CMTM2: variants seen among roughly 807,000 people sequenced by gnomAD.
CMTM2 encodes the protein CKLF-like MARVEL transmembrane domain-containing protein 2.
In CMTM2, 15 loss-of-function variants were observed where a neutral mutation model predicts 16.8. That is an observed-to-expected ratio of 0.89 (90% confidence interval 0.60 to 1.37). The LOEUF (loss-of-function observed/expected upper bound fraction) is 1.37. CMTM2 is among the 40% of genes most tolerant of loss of function. The pLI, the probability that CMTM2 is intolerant of heterozygous loss-of-function variation, is 0.00. For missense variants in CMTM2, 282 were observed against 318.0 expected (o/e 0.89, Z 0.86); for synonymous variants, 117 against 118.7 (o/e 0.99, Z 0.09).
At chr16:66,580,348 A>C in intron 2 of CMTM2, 164 bp downstream of exon 2, 2 of 702,560 alleles carry the variant, frequency 2.8e-6, no homozygotes, top group Non-Finnish European at 2.4e-6. Flanking sequence ...AGCTGGGTGC[A>C]AGAGGGGTAG....
At position 66,579,552 on chromosome 16, in the gene CMTM2, A is replaced by G. The variant is rs887071370; in HGVS notation, c.-56A>G. ...TAGTAGGCCTGGCCTACCCAGAAAC[A>G]GCAGGAGAGAGAAGAAACAGGCCAG... On this transcript the variant is annotated 5_prime_UTR_variant, in exon 1 of 4. Coordinates refer to ENST00000268595, the MANE Select transcript of CMTM2 (RefSeq NM_144673.3). This position sits in a 1 kb window ranked among gnomAD's most constrained non-coding sequence, Gnocchi z 6.5. The G allele has an allele frequency of 1.2e-6, 2 of 1,602,780 alleles. No individual in the cohort carries two copies. The highest frequency in any genetic ancestry group is 1.7e-6 in the Non-Finnish European group (2 of 1,175,594).
At chr16:66,583,954 A>G (rs1241249698) in intron 2 of CMTM2, among the ~76,000 whole-genome samples, 5 of 152,204 alleles carry the variant, frequency 3.3e-5, no homozygotes, top group African/African-American at 1.2e-4. Context: ...CCCCCACTGT[A>G]CTGTACTTGA....
At chr16:66,587,141 C>T in intron 3 of CMTM2, 43 bp downstream of exon 3, 10 of 1,453,334 alleles carry the variant, frequency 6.9e-6, no homozygotes, top group Non-Finnish European at 8.7e-6. Context: ...TCTGAATTCA[C>T]TTCTTTTGGA....
chr16:66,579,514 A>C lies in CMTM2; in HGVS notation c.-94A>C. 1 of 1,496,526 alleles carries C rather than the reference A, an allele frequency of 6.7e-7. No individual in the cohort carries two copies. The highest frequency in any genetic ancestry group is 9.1e-7 in the Non-Finnish European group (1 of 1,104,508). The allele number at this position is 1,496,526 out of a possible 1,614,324, so 92.7% of individuals were successfully genotyped here. A position where few individuals can be genotyped will look rare whatever the true frequency, so the allele number is the denominator to read the frequency against. Reference sequence around the variant, plus strand: ...GCACGCCCTCTGAGCCGCTCGGTGGACACCAGGCACTCTAGTAGGCCTGGC... The same window carrying C: ...GCACGCCCTCTGAGCCGCTCGGTGGCCACCAGGCACTCTAGTAGGCCTGGC... On this transcript the variant is annotated 5_prime_UTR_variant, in exon 1 of 4. Transcript: ENST00000268595. The surrounding 1 kb of genome is among the most constrained non-coding windows in gnomAD (Gnocchi z 6.5).
intron 3 of CMTM2, among the ~76,000 whole-genome samples, chr16:66,587,447 C>T (rs1049426126): frequency 6.6e-5 from 10 of 152,042 alleles, no homozygotes; most frequent in Non-Finnish European, 1.5e-4. Flanking sequence ...ATCCCAGCAA[C>T]TTGGGAGGCT....
chr16:66,586,435 C>G (rs904908964), intron 2 of CMTM2, among the ~76,000 whole-genome samples: 1 of 152,016 alleles, frequency 6.6e-6, no homozygotes, highest in Non-Finnish European at 1.5e-5. Context: ...TCCAGGAGTT[C>G]GAGACCAGCC....
chr16:66,580,670 A>G (rs2014719404), intron 2 of CMTM2: 1 of 158,734 alleles, frequency 6.3e-6, no homozygotes, highest in African/African-American at 2.4e-5. Flanking sequence ...ATCCCTATAA[A>G]GGATGTTTGG....
Position 66,588,239 on chromosome 16 carries a change from T to C in CMTM2, c.*120T>C. On this transcript the variant is annotated 3_prime_UTR_variant, in exon 4 of 4. Coordinates refer to ENST00000268595, the MANE Select transcript of CMTM2 (RefSeq NM_144673.3). The stretch of plus-strand genomic sequence containing the variant: ...TTCCATTTTCATTACCACCTTTGCT[T>C]GGAAAAGAATGGATTAATGGATTCT... 1 of 867,290 alleles carries C rather than the reference T, an allele frequency of 1.2e-6. No homozygotes were observed. The allele number at this position is 867,290 out of a possible 1,614,324, so 53.7% of individuals were successfully genotyped here.
intron 2 of CMTM2, among the ~76,000 whole-genome samples, chr16:66,584,370 G>A (rs1052066849): frequency 6.6e-6 from 1 of 151,996 alleles, no homozygotes; most frequent in African/African-American, 2.4e-5. Flanking sequence ...TCTCTCTCCC[G>A]CTTGCTCTCT....
chr16:66,587,978 C>T lies in CMTM2; in HGVS notation c.606C>T (p.His202=), dbSNP rs1435012120. ...AFIDVCLQRN[H]FRGKKAKKHM... ...TCGATGTGTGTCTTCAAAGAAACCA[C>T]TTCAGAGGCAAGAAGGCCAAAAAGC... Residue 202 remains histidine, a synonymous_variant, in exon 4 of 4, where the codon CAC becomes CAT. Coordinates refer to ENST00000268595, the MANE Select transcript of CMTM2 (RefSeq NM_144673.3). 1 of 1,614,182 alleles carries T rather than the reference C, an allele frequency of 6.2e-7. No homozygotes were observed. Among genetic ancestry groups the T allele is most frequent in the Non-Finnish European group, 8.5e-7 (1 of 1,180,032 alleles).
At chr16:66,585,237 C>T (rs1323597861) in intron 2 of CMTM2, among the ~76,000 whole-genome samples, 3 of 152,244 alleles carry the variant, frequency 2.0e-5, no homozygotes, top group East Asian at 3.9e-4. Context: ...TGAGCCACTG[C>T]GCCCAGCTTA....
chr16:66,579,711 C>A lies in CMTM2; in HGVS notation c.104C>A (p.Ser35Ter), dbSNP rs768840389. The A allele has an allele frequency of 1.2e-6, 2 of 1,613,320 alleles. No individual in the cohort carries two copies. The highest frequency in any genetic ancestry group is 1.7e-6 in the Non-Finnish European group (2 of 1,179,648). ...EEDKKDGKEPSDKPQKAVQDH... is the reference protein window; with the variant it reads ...EEDKKDGKEP ...GACAAGAAGGACGGTAAGGAGCCATCGGACAAACCTCAAAAGGCGGTGCAG... is the reference window on the plus strand; with the variant it reads ...GACAAGAAGGACGGTAAGGAGCCATAGGACAAACCTCAAAAGGCGGTGCAG... Residue 35 changes from serine (S) to a stop codon, truncating the protein, a stop_gained, in exon 1 of 4, where the codon TCG (serine) becomes TAG (stop). Transcript: ENST00000268595. LOFTEE classifies it high-confidence loss of function. The surrounding 1 kb of genome is among the most constrained non-coding windows in gnomAD (Gnocchi z 6.5).
Position 66,579,694 on chromosome 16 carries a change from G to A in CMTM2, c.87G>A (p.Lys29=). ...GGGCCAAACCCGAGGAAGACAAGAA[G>A]GACGGTAAGGAGCCATCGGACAAAC... ...PPGAKPEEDK[K]DGKEPSDKPQ... is the part of the protein sequence containing the mutation. Residue 29 remains lysine, a synonymous_variant, in exon 1 of 4, where the codon AAG becomes AAA. Transcript: ENST00000268595. The surrounding 1 kb of genome is among the most constrained non-coding windows in gnomAD (Gnocchi z 6.5). The A allele has an allele frequency of 6.2e-7, 1 of 1,614,064 alleles. No individual in the cohort carries two copies.
At chr16:66,587,217 A>G in intron 3 of CMTM2, 119 bp downstream of exon 3, 1 of 862,350 alleles carries the variant, frequency 1.2e-6, no homozygotes, top group South Asian at 1.5e-5. Context: ...TTGGGATCAA[A>G]GCAAAGTTTA....
At chr16:66,580,206 G>A in intron 2 of CMTM2, 22 bp downstream of exon 2, 22 of 1,613,492 alleles carry the variant, frequency 1.4e-5, no homozygotes, top group African/African-American at 1.1e-4. Context: ...GTGATGGGGA[G>A]TGCCTGCATC....
intron 2 of CMTM2, among the ~76,000 whole-genome samples, chr16:66,582,654 A>T (rs1178948590): frequency 1.3e-5 from 2 of 152,176 alleles, no homozygotes; most frequent in Admixed American, 1.3e-4. Context: ...GAGAGCTCTG[A>T]TGGTGCCACT....
At chr16:66,582,829 G>A (rs1396671462) in intron 2 of CMTM2, among the ~76,000 whole-genome samples, 3 of 152,142 alleles carry the variant, frequency 2.0e-5, no homozygotes, top group Non-Finnish European at 4.4e-5. Context: ...AGCCGAGATC[G>A]TGCCACTGCA....
intron 2 of CMTM2, chr16:66,580,449 C>G (rs2014712521): frequency 2.1e-6 from 1 of 465,952 alleles, no homozygotes; most frequent in Non-Finnish European, 3.9e-6. Flanking sequence ...GGGCCTGAGC[C>G]TTTGTTCTCT....
Position 66,580,071 on chromosome 16 carries a change from C to CA in CMTM2, c.332dup (p.His111GlnfsTer28). 1 of 1,614,208 alleles carries CA rather than the reference C, an allele frequency of 6.2e-7. No individual in the cohort carries two copies. Among genetic ancestry groups the CA allele is most frequent in the Non-Finnish European group, 8.5e-7 (1 of 1,180,028 alleles). Reference sequence around the variant, plus strand: ...GATACTGTTGTCCTCACTCACCGTGCACCCCATCTTGAGGCTTATCATCAC... The same window carrying CA: ...GATACTGTTGTCCTCACTCACCGTGCAACCCCATCTTGAGGCTTATCATCAC... On this transcript the variant is annotated frameshift_variant, in exon 2 of 4. Transcript: ENST00000268595. LOFTEE classifies it high-confidence loss of function.
Sources: allele counts gnomAD v4.1 joint callset (sites outside exome capture counted in the v4.1 genomes callset), GRCh38; gene constraint gnomAD v4.1.1; non-coding constraint Gnocchi (gnomAD v3.1); transcripts MANE v1.5; gene names NCBI Gene and HGNC (gene_info 2026-07-23, HGNC 2026-07-21).